The following CUX2 variants were observed in gnomAD, a reference collection of about 807,000 sequenced individuals.
The protein encoded by CUX2 is cut like homeobox 2, also known as homeobox protein cut-like 2.
CUX2 carries 40 observed loss-of-function variants against 144.8 expected under a neutral mutation model. The ratio of observed to expected loss-of-function variants is 0.28; its 90% CI spans 0.21 to 0.36. The LOEUF is 0.36. CUX2 is among the 10% of genes least tolerant of loss of function. CUX2 has a pLI of 1.00. For missense variants in CUX2, 1,615 were observed against 1,994.0 expected (o/e 0.81, Z 3.62); for synonymous variants, 827 against 875.6 (o/e 0.94, Z 0.98).
At chr12:111,152,577 G>A (rs1035471397) in intron 1 of CUX2, among the ~76,000 whole-genome samples, 2 of 152,308 alleles carry the variant, frequency 1.3e-5, no homozygotes, top group African/African-American at 4.8e-5. Context: ...ACATATACAC[G>A]ATGCAGGCCA....
At chr12:111,244,878 A>G (rs191939936) in intron 3 of CUX2, among the ~76,000 whole-genome samples, 3 of 152,298 alleles carry the variant, frequency 2.0e-5, no homozygotes, top group Non-Finnish European at 4.4e-5. Context: ...AGGTAATTAA[A>G]TTACTTCAAA....
At chr12:111,291,643 C>A in intron 5 of CUX2, 91 bp downstream of exon 5, 1 of 1,407,620 alleles carries the variant, frequency 7.1e-7, no homozygotes, top group Non-Finnish European at 9.4e-7. Context: ...TGCGGGGTGG[C>A]TGGGGCAGGG....
intron 9 of CUX2, among the ~76,000 whole-genome samples, chr12:111,303,249 C>T (rs1284519817): frequency 1.6e-5 from 2 of 127,468 alleles, no homozygotes; most frequent in African/African-American, 6.1e-5. Context: ...AAAAAAAAAT[C>T]GACCATAGAC....
At chr12:111,316,830 A>G (rs1250422241) in intron 16 of CUX2, among the ~76,000 whole-genome samples, 1 of 152,066 alleles carries the variant, frequency 6.6e-6, no homozygotes, top group Non-Finnish European at 1.5e-5. Context: ...TCTCCAGTTC[A>G]CACATGTTCA....
intron 1 of CUX2, among the ~76,000 whole-genome samples, chr12:111,154,510 GGAA>G (rs1311155903): frequency 1.3e-5 from 2 of 152,016 alleles, no homozygotes; most frequent in African/African-American, 4.8e-5. Flanking sequence ...ACCTTGACGT[GGAA>G]GAATAATTTA....
chr12:111,169,837 C>T (rs1365539950), intron 1 of CUX2, among the ~76,000 whole-genome samples: 1 of 152,146 alleles, frequency 6.6e-6, no homozygotes, highest in Non-Finnish European at 1.5e-5. Context: ...CGATTACACA[C>T]AGAGACGTGG....
At chr12:111,051,634 C>T (rs915166424) in intron 1 of CUX2, among the ~76,000 whole-genome samples, 4 of 152,006 alleles carry the variant, frequency 2.6e-5, no homozygotes, top group African/African-American at 7.2e-5. Context: ...GAATCTAAAG[C>T]GTGTCTCCTA....
chr12:111,070,061 G>T (rs917442403), intron 1 of CUX2, among the ~76,000 whole-genome samples: 5 of 152,174 alleles, frequency 3.3e-5, no homozygotes, highest in Admixed American at 1.3e-4. Flanking sequence ...GAGCTTGGCT[G>T]CCTTCCCTGA....
Position 111,348,366 on chromosome 12 carries a change from C to T in CUX2, c.*41C>T, listed in dbSNP as rs1328252623. On this transcript the variant is annotated 3_prime_UTR_variant, in exon 22 of 22. Transcript: ENST00000261726. ...GCAAGGGACATACCCTGGTAACTAC[C>T]TTCCTTCTCGCACTTACTCTCCTCA... The T allele has an allele frequency of 1.3e-6, 2 of 1,551,768 alleles. No homozygotes were observed.
chr12:111,135,319 G>T (rs1321117742), intron 1 of CUX2, among the ~76,000 whole-genome samples: 1 of 152,148 alleles, frequency 6.6e-6, no homozygotes, highest in Non-Finnish European at 1.5e-5. Context: ...TGAAGGATTT[G>T]AATAAGGCAG....
intron 3 of CUX2, among the ~76,000 whole-genome samples, chr12:111,251,915 C>T (rs1429120715): frequency 6.6e-6 from 1 of 152,144 alleles, no homozygotes; most frequent in Non-Finnish European, 1.5e-5. Flanking sequence ...TTACAAGGCT[C>T]ACACGTGTAA....
At chr12:111,238,525 AG>A (rs1406524531) in intron 3 of CUX2, among the ~76,000 whole-genome samples, 4 of 152,210 alleles carry the variant, frequency 2.6e-5, no homozygotes, top group African/African-American at 4.8e-5. Flanking sequence ...CAGAGAGGTT[AG>A]GTAACTTACC....
intron 1 of CUX2, among the ~76,000 whole-genome samples, chr12:111,195,915 G>A (rs1393215201): frequency 3.2e-4 from 48 of 151,938 alleles, no homozygotes; most frequent in Admixed American, 2.7e-3. Flanking sequence ...CAACACAATC[G>A]ATTTAGTATA....
rs565535856 is a variant in CUX2 at position 111,043,389 on chromosome 12, A to G, written c.63+9149A>G. Among the ~76,000 whole-genome samples, 463 of 152,282 alleles carry G rather than the reference A, an allele frequency of 3.0e-3. 1 individual carries two copies. The highest frequency in any genetic ancestry group is 7.7e-3 in the South Asian group (37 of 4,814). ...TTTGCAGAGACCCCGAGAAGGGTGG[A>G]AGAATTGTGCCTCCAAGGAACTGAA... On this transcript the variant is annotated intron_variant, in intron 1 of 21. Coordinates refer to ENST00000261726, the MANE Select transcript of CUX2 (RefSeq NM_015267.4).
At position 111,328,199 on chromosome 12, in the gene CUX2, G is replaced by A. The variant is rs527907465; in HGVS notation, c.2926+5619G>A. Among the ~76,000 whole-genome samples the A allele has an allele frequency of 9.9e-5, 15 of 152,254 alleles. No homozygotes were observed. In the South Asian group the frequency reaches 3.1e-3, roughly 32 times the overall value. On this transcript the variant is annotated intron_variant, in intron 18 of 21. Coordinates refer to ENST00000261726, the MANE Select transcript of CUX2 (RefSeq NM_015267.4). ...ACCCACTGGGCCTGGAAGCAAAAGG[G>A]TGTATCCATTGCCCACAAAGTCCCA... is the stretch of plus-strand genomic sequence containing the variant.
intron 1 of CUX2, among the ~76,000 whole-genome samples, chr12:111,086,623 C>T (rs977725754): frequency 1.3e-5 from 2 of 152,172 alleles, no homozygotes; most frequent in East Asian, 1.9e-4. Flanking sequence ...GACTCTGTCT[C>T]CGAGGGTTTA....
Position 111,310,275 on chromosome 12 carries a change from A to C in CUX2, c.1493A>C (p.Lys498Thr), listed in dbSNP as rs760990280. The C allele has an allele frequency of 6.6e-7, 1 of 1,513,510 alleles. No individual in the cohort carries two copies. The highest frequency in any genetic ancestry group is 8.9e-7 in the Non-Finnish European group (1 of 1,129,802). 93.8% of individuals were successfully genotyped at this position (1,513,510 alleles called of 1,614,324 possible). Residue 498 changes from lysine (K) to threonine (T), a missense_variant, in exon 15 of 22, where the codon AAG becomes ACG. By Grantham distance (78) the Lys-to-Thr change is moderately conservative. Around this residue, in one of 12 missense-constraint regions of CUX2, gnomAD observed 154 missense variants for 148.4 expected, o/e 1.04. Transcript: ENST00000261726. This position sits in a 1 kb window ranked among gnomAD's most constrained non-coding sequence, Gnocchi z 7.9. ...ERLMMPPAAF[K>T]GEAGGLLVFP... Reference sequence around the variant, plus strand: ...CTGATGATGCCCCCAGCCGCCTTCAAGGGAGAGGCGGGCGGCCTGCTGGTG... The same window carrying C: ...CTGATGATGCCCCCAGCCGCCTTCACGGGAGAGGCGGGCGGCCTGCTGGTG...
intron 3 of CUX2, among the ~76,000 whole-genome samples, chr12:111,257,252 T>G (rs1196114991): frequency 1.5e-5 from 1 of 67,878 alleles, no homozygotes; most frequent in Non-Finnish European, 2.8e-5. Context: ...CCCCTTCCCT[T>G]TTCCCCCTCC....
chr12:111,057,744 T>C lies in CUX2; in HGVS notation c.63+23504T>C, dbSNP rs1364760723. 6.6e-6 allele frequency among the ~76,000 whole-genome samples: 1 copy of C among 152,224 alleles called. No individual in the cohort carries two copies. The highest frequency in any genetic ancestry group is 1.9e-4 in the East Asian group (1 of 5,198). ...AAAGCAGCTAATTAACATTATTCTT[T>C]AATTATTGCCTTTATCAACAAGGGG... On this transcript the variant is annotated intron_variant, in intron 1 of 21. Coordinates refer to ENST00000261726, the MANE Select transcript of CUX2 (RefSeq NM_015267.4). The surrounding 1 kb of genome is among the most constrained non-coding windows in gnomAD (Gnocchi z 5.1).
Sources: gnomAD v4.1 joint callset for allele counts (sites outside exome capture counted in the v4.1 genomes callset) on GRCh38, gnomAD v4.1.1 for gene constraint, gnomAD v4.1.1 regional missense constraint, Gnocchi (gnomAD v3.1) non-coding constraint, MANE v1.5 for transcripts, NCBI Gene and HGNC (gene_info 2026-07-23, HGNC 2026-07-21) for gene names.